The following HERPUD2 variants were observed in gnomAD, a reference collection of about 807,000 sequenced individuals.
HERPUD2 encodes the protein homocysteine-responsive endoplasmic reticulum-resident ubiquitin-like domain member 2 protein.
A neutral mutation model predicts 49.9 loss-of-function variants in HERPUD2; 13 were observed. The ratio of observed to expected loss-of-function variants is 0.26; its 90% CI spans 0.17 to 0.41. The LOEUF (loss-of-function observed/expected upper bound fraction) is 0.41. Among genes scored for constraint, HERPUD2 ranks in the 10% least tolerant of loss-of-function variants. The pLI is 1.00. For synonymous variants in HERPUD2, 172 were observed against 171.4 expected (o/e 1.00, Z -0.03); for missense variants, 449 against 492.2 (o/e 0.91, Z 0.83).
chr7:35,637,796 A>G (rs1361249473), intron 6 of HERPUD2, among the ~76,000 whole-genome samples: 1 of 152,238 alleles, frequency 6.6e-6, no homozygotes, highest in East Asian at 1.9e-4. Flanking sequence ...CCAGAAAGAT[A>G]AAAAAGGTAC....
chr7:35,649,894 G>T (rs1785128820), intron 5 of HERPUD2, among the ~76,000 whole-genome samples: 1 of 152,076 alleles, frequency 6.6e-6, no homozygotes, highest in Admixed American at 6.5e-5. Flanking sequence ...TATAATGAGG[G>T]ATGTCCCACC....
At chr7:35,681,439 T>C (rs892962833) in intron 2 of HERPUD2, among the ~76,000 whole-genome samples, 8 of 152,114 alleles carry the variant, frequency 5.3e-5, no homozygotes, top group African/African-American at 1.9e-4. Flanking sequence ...AGTTACCCTA[T>C]GACACAATAT....
At chr7:35,660,288 T>C (rs1300270499) in intron 5 of HERPUD2, among the ~76,000 whole-genome samples, 1 of 152,204 alleles carries the variant, frequency 6.6e-6, no homozygotes, top group East Asian at 1.9e-4. Context: ...TGATGGACAT[T>C]TGGGTTGGTT....
intron 5 of HERPUD2, among the ~76,000 whole-genome samples, chr7:35,648,889 C>T (rs1785105043): frequency 6.6e-6 from 1 of 152,204 alleles, no homozygotes; most frequent in Admixed American, 6.5e-5. Context: ...AACTAATACG[C>T]TCTCCATCAA....
chr7:35,667,732 A>G (rs766026841), intron 4 of HERPUD2, 144 bp from the exon 5 acceptor site: 25 of 584,578 alleles, frequency 4.3e-5, no homozygotes, highest in South Asian at 5.9e-5. Flanking sequence ...TGTGTCCAGT[A>G]TAAGTAGATA....
At chr7:35,663,554 T>C (rs1785474187) in intron 5 of HERPUD2, among the ~76,000 whole-genome samples, 1 of 152,210 alleles carries the variant, frequency 6.6e-6, no homozygotes, top group Non-Finnish European at 1.5e-5. Context: ...TTTGTAGGTC[T>C]TTAAGGACTT....
At chr7:35,663,642 T>C (rs1330126571) in intron 5 of HERPUD2, among the ~76,000 whole-genome samples, 1 of 152,248 alleles carries the variant, frequency 6.6e-6, no homozygotes, top group Admixed American at 6.5e-5. Flanking sequence ...AATTGATCCC[T>C]TTACCATTAT....
In HERPUD2 at chr7:35,687,038, C is replaced by T. The variant is rs1203140056; in HGVS notation, c.147+7146G>A. 2.0e-5 allele frequency among the ~76,000 whole-genome samples: 3 copies of T among 152,138 alleles called. No individual in the cohort carries two copies. In the South Asian group the frequency reaches 6.2e-4, roughly 32 times the overall value. ...TCACGCCACTGCACTCCAGCCCAGA[C>T]GACAGTGCGAGACTCTGTCTCAAAA... On this transcript the variant is annotated intron_variant, in intron 2 of 8. Transcript: ENST00000311350.
At chr7:35,690,271 C>G (rs974881957) in intron 2 of HERPUD2, among the ~76,000 whole-genome samples, 7 of 152,106 alleles carry the variant, frequency 4.6e-5, no homozygotes, top group Admixed American at 1.3e-4. Flanking sequence ...TTTCCTAAAC[C>G]AAGTCTTAAA....
chr7:35,674,412 G>A (rs3857745), intron 2 of HERPUD2, among the ~76,000 whole-genome samples: 1 of 18,658 alleles, frequency 5.4e-5, no homozygotes, highest in Non-Finnish European at 9.1e-5. Flanking sequence ...TATAGAGAGA[G>A]AGAGAGAGAG....
chr7:35,634,335 T>C lies in HERPUD2; in HGVS notation c.1036A>G (p.Asn346Asp). The stretch of plus-strand genomic sequence containing the variant: ...ACCATTTCTTCAAGTTCCAAGTTGT[T>C]TGCATTTTGCCCATCATTGTTAACT... ...AEVNNDGQNANNLELEEMERL... is the reference protein window; with the variant it reads ...AEVNNDGQNADNLELEEMERL... Residue 346 changes from asparagine to aspartate, a missense_variant, in exon 8 of 9, where the codon AAC becomes GAC. By Grantham distance (23) the Asn-to-Asp change is conservative (BLOSUM62 1). Transcript: ENST00000311350. The C allele has an allele frequency of 1.9e-6, 3 of 1,612,614 alleles. No homozygotes were observed. Among genetic ancestry groups the C allele is most frequent in the Non-Finnish European group, 2.5e-6 (3 of 1,178,672 alleles).
intron 2 of HERPUD2, among the ~76,000 whole-genome samples, chr7:35,692,196 C>T (rs539012318): frequency 6.6e-6 from 1 of 152,310 alleles, no homozygotes; most frequent in South Asian, 2.1e-4. Flanking sequence ...TAATGCACAG[C>T]GGCACTGACA....
At chr7:35,646,859 G>GT (rs1562670636) in intron 5 of HERPUD2, among the ~76,000 whole-genome samples, 3 of 152,066 alleles carry the variant, frequency 2.0e-5, no homozygotes, top group South Asian at 2.1e-4. Context: ...CTGACAGCTT[G>GT]TTTTTTTCTT....
chr7:35,693,576 A>G (rs184008137), intron 2 of HERPUD2, among the ~76,000 whole-genome samples: 1 of 151,636 alleles, frequency 6.6e-6, no homozygotes, highest in Admixed American at 6.6e-5. Context: ...TTAAGAAAGG[A>G]TATATCTCTC....
intron 2 of HERPUD2, among the ~76,000 whole-genome samples, chr7:35,685,005 C>A (rs561046842): frequency 6.6e-6 from 1 of 152,090 alleles, no homozygotes; most frequent in Admixed American, 6.6e-5. Context: ...CTTTGGGAGG[C>A]CAAAACAGAT....
chr7:35,671,245 T>C (rs982839249), intron 3 of HERPUD2, among the ~76,000 whole-genome samples: 1 of 152,052 alleles, frequency 6.6e-6, no homozygotes, highest in African/African-American at 2.4e-5. Context: ...AAGAGGCTCA[T>C]GATATTGTTA....
At chr7:35,685,058 T>C (rs1230920802) in intron 2 of HERPUD2, among the ~76,000 whole-genome samples, 1 of 151,918 alleles carries the variant, frequency 6.6e-6, no homozygotes, top group East Asian at 1.9e-4. Flanking sequence ...CTGGGCAACA[T>C]AGTGAGACCC....
chr7:35,636,248 CTTG>C (rs1784870032), intron 6 of HERPUD2, among the ~76,000 whole-genome samples: 2 of 152,216 alleles, frequency 1.3e-5, no homozygotes, highest in African/African-American at 4.8e-5. Flanking sequence ...ACTACCCTAC[CTTG>C]TTATGTTTTT....
intron 5 of HERPUD2, among the ~76,000 whole-genome samples, chr7:35,649,607 G>C (rs1448684432): frequency 2.6e-5 from 4 of 152,150 alleles, no homozygotes; most frequent in Admixed American, 6.6e-5. Context: ...ATATATATTG[G>C]TTTGGTCCAG....
Sources: gnomAD v4.1 joint callset for allele counts (sites outside exome capture counted in the v4.1 genomes callset) on GRCh38, gnomAD v4.1.1 for gene constraint, MANE v1.5 for transcripts, NCBI Gene and HGNC (gene_info 2026-07-23, HGNC 2026-07-21) for gene names.